The following LCT variants were observed in gnomAD, a reference collection of about 807,000 sequenced individuals.
LCT encodes the protein lactase, also known as lactase/phlorizin hydrolase.
LCT carries 90 observed loss-of-function variants against 173.0 expected under a neutral mutation model. The ratio of observed to expected loss-of-function variants is 0.52; its 90% CI spans 0.44 to 0.62. The LOEUF is 0.62. Ranked by LOEUF, LCT falls within the 20% of genes least tolerant of loss-of-function variation. LCT has a pLI of 0.00. For missense variants in LCT, 1,864 were observed against 2,431.4 expected (o/e 0.77, Z 4.91); for synonymous variants, 853 against 957.6 (o/e 0.89, Z 2.02).
At chr2:135,810,273 A>G (rs190937305) in intron 7 of LCT, 1 of 352,456 alleles carries the variant, frequency 2.8e-6, no homozygotes, top group Admixed American at 4.2e-5. Flanking sequence ...ATTACCTCGG[A>G]CCAGCGAGGA....
At chr2:135,800,851 T>C (rs533218212) in intron 11 of LCT, 42 bp from the exon 12 acceptor site, 1 of 1,476,730 alleles carries the variant, frequency 6.8e-7, no homozygotes, top group East Asian at 2.3e-5. Flanking sequence ...ATGGATAGAA[T>C]GGATGTGACT....
In LCT at chr2:135,821,638, G is replaced by A. The variant is rs111640442; in HGVS notation, c.986+382C>T. On this transcript the variant is annotated intron_variant, in intron 5 of 16. Transcript: ENST00000264162. The stretch of plus-strand genomic sequence containing the variant: ...TGGGACCATAGGCATGCACCACTAT[G>A]CCTGGCTAATTTTTGTATTTTTGTA... The A allele has an allele frequency of 4.3e-3, 1,208 of 278,622 alleles. 14 individuals carry two copies. Among genetic ancestry groups the A allele is most frequent in the African/African-American group, 0.025 (1,129 of 44,748 alleles). The allele number at this position is 278,622 out of a possible 1,614,324, so 17.3% of individuals were successfully genotyped here.
chr2:135,827,775 G>A (rs189642616), intron 3 of LCT, among the ~76,000 whole-genome samples: 4 of 152,294 alleles, frequency 2.6e-5, no homozygotes, highest in African/African-American at 9.6e-5. Flanking sequence ...ACCTCCTGCT[G>A]TGCAGCCAGG....
chr2:135,830,268 C>T (rs1040030165), intron 2 of LCT, among the ~76,000 whole-genome samples: 7 of 152,000 alleles, frequency 4.6e-5, no homozygotes, highest in African/African-American at 1.7e-4. Context: ...TCCTGGTCGT[C>T]GACACCCCCA....
intron 1 of LCT, among the ~76,000 whole-genome samples, chr2:135,834,510 G>A (rs80335569): frequency 0.05 from 7,379 of 146,122 alleles, 657 homozygotes; most frequent in African/African-American, 0.18. Context: ...GTTTAAGGCC[G>A]GGCGTGGTGG....
intron 11 of LCT, 83 bp from the exon 12 acceptor site, chr2:135,800,892 C>T: frequency 9.0e-7 from 1 of 1,116,842 alleles, no homozygotes; most frequent in Non-Finnish European, 1.3e-6. Context: ...GCAGATGTCC[C>T]CTCTGTGTTT....
intron 12 of LCT, 74 bp downstream of exon 12, chr2:135,800,533 T>C: frequency 7.8e-7 from 1 of 1,279,674 alleles, no homozygotes; most frequent in Non-Finnish European, 1.1e-6. Flanking sequence ...AATCTTTGAT[T>C]CACAATCTGT....
chr2:135,790,986 G>C lies in LCT; in HGVS notation c.5112-105C>G, dbSNP rs1224536006. 2.3e-6 allele frequency: 2 copies of C among 860,236 alleles called. No homozygotes were observed. The highest frequency in any genetic ancestry group is 2.0e-5 in the Admixed American group (1 of 50,644). 53.3% of individuals were successfully genotyped at this position (860,236 alleles called of 1,614,324 possible). ...TAGACCAGGAAAAGCCTTAGGTTTT[G>C]TCTAGCCTTAAGAATCATACTAAAC... is the stretch of plus-strand genomic sequence containing the variant. On this transcript the variant is annotated intron_variant, in intron 14 of 16. Coordinates refer to ENST00000264162, the MANE Select transcript of LCT (RefSeq NM_002299.4). This position sits in a 1 kb window ranked among gnomAD's most constrained non-coding sequence, Gnocchi z 4.1.
chr2:135,806,758 C>A (rs1203222626), intron 9 of LCT, among the ~76,000 whole-genome samples: 1 of 152,218 alleles, frequency 6.6e-6, no homozygotes, highest in Non-Finnish European at 1.5e-5. Context: ...TGTAAGTGCA[C>A]TCTGTGTGAT....
At chr2:135,806,994 C>A in intron 9 of LCT, 134 bp downstream of exon 9, 2 of 1,035,090 alleles carry the variant, frequency 1.9e-6, no homozygotes, top group Non-Finnish European at 2.9e-6. Context: ...GAGGACCTCC[C>A]AGACCCCATG....
chr2:135,827,584 G>A (rs2077898196), intron 3 of LCT, among the ~76,000 whole-genome samples: 1 of 152,088 alleles, frequency 6.6e-6, no homozygotes. Flanking sequence ...GGGATGATGG[G>A]GATGATTTGG....
chr2:135,802,411 C>T (rs1050940607), intron 11 of LCT, among the ~76,000 whole-genome samples: 1 of 152,152 alleles, frequency 6.6e-6, no homozygotes, highest in African/African-American at 2.4e-5. Context: ...ATACCTTGAC[C>T]TCTGTGTTTA....
At chr2:135,822,506 A>G (rs1558743238) in intron 4 of LCT, 1 of 215,434 alleles carries the variant, frequency 4.6e-6, no homozygotes, top group South Asian at 7.6e-5. Flanking sequence ...CAAAGATCAG[A>G]AAGGGGTGGA....
chr2:135,788,783 ACATGC>A (rs2077511840), intron 16 of LCT, among the ~76,000 whole-genome samples: 2 of 152,202 alleles, frequency 1.3e-5, no homozygotes, highest in Non-Finnish European at 2.9e-5. Context: ...CCCTTATCTG[ACATGC>A]TTGCTTGGGA....
intron 4 of LCT, among the ~76,000 whole-genome samples, chr2:135,823,470 C>T (rs2077854352): frequency 6.6e-6 from 1 of 152,152 alleles, no homozygotes; most frequent in South Asian, 2.1e-4. Context: ...AGGTACCCAC[C>T]AGGGCCATGT....
intron 5 of LCT, among the ~76,000 whole-genome samples, chr2:135,819,881 G>A (rs900306728): frequency 1.3e-4 from 20 of 152,236 alleles, no homozygotes; most frequent in Middle Eastern, 6.8e-3. Context: ...GAGTTTTAAG[G>A]AAACAAATAA....
At chr2:135,828,727 C>G (rs966207922) in intron 3 of LCT, among the ~76,000 whole-genome samples, 3 of 152,132 alleles carry the variant, frequency 2.0e-5, no homozygotes, top group Non-Finnish European at 4.4e-5. Flanking sequence ...ATAGGAGGCT[C>G]CTAACACACT....
intron 8 of LCT, 79 bp downstream of exon 8, chr2:135,808,364 C>T: frequency 2.6e-6 from 3 of 1,136,180 alleles, no homozygotes; most frequent in Non-Finnish European, 4.0e-6. Context: ...GTTCATAAAT[C>T]ATCCCGGCAA....
intron 7 of LCT, chr2:135,810,219 T>A: frequency 1.9e-6 from 1 of 524,584 alleles, no homozygotes; most frequent in Middle Eastern, 5.1e-4. Context: ...TATTAGAAGC[T>A]GTTTGATCTG....
Sources: allele counts gnomAD v4.1 joint callset (sites outside exome capture counted in the v4.1 genomes callset), GRCh38; gene constraint gnomAD v4.1.1; non-coding constraint Gnocchi (gnomAD v3.1); transcripts MANE v1.5; gene names NCBI Gene and HGNC (gene_info 2026-07-23, HGNC 2026-07-21).